FAM131C: variants seen among roughly 807,000 people sequenced by gnomAD.
The protein encoded by FAM131C is family with sequence similarity 131 member C.
A neutral mutation model predicts 29.8 loss-of-function variants in FAM131C; 14 were observed. The observed-to-expected ratio is 0.47, with a 90% CI of 0.31 to 0.73. The LOEUF (loss-of-function observed/expected upper bound fraction) is 0.73. Ranked by LOEUF, FAM131C falls within the 30% of genes least tolerant of loss-of-function variation. FAM131C has a pLI of 0.05. For missense variants in FAM131C, 252 were observed against 383.8 expected, an observed-to-expected ratio of 0.66 and a Z score of 2.87; for synonymous variants, 86 against 157.8, an observed-to-expected ratio of 0.54 and a Z score of 3.41.
chr1:16,062,340 C>T, intron 3 of FAM131C, 148 bp from the exon 4 acceptor site: 2 of 1,427,986 alleles, frequency 1.4e-6, no homozygotes, highest in South Asian at 2.9e-5. Flanking sequence ...GGAGATCCTA[C>T]TAACTCCCAC....
At chr1:16,058,983 C>A (rs1453544771) in intron 6 of FAM131C, among the ~76,000 whole-genome samples, 13 of 152,142 alleles carry the variant, frequency 8.5e-5, no homozygotes, top group Admixed American at 8.5e-4. Flanking sequence ...GGGCCTCTGT[C>A]CCCTCCCCGT....
chr1:16,059,438 A>G (rs1343879113), intron 6 of FAM131C, 56 bp downstream of exon 6: 2 of 1,582,436 alleles, frequency 1.3e-6, no homozygotes, highest in Non-Finnish European at 1.7e-6. Context: ...ATGGGCAGCC[A>G]TCCAGAATCA....
rs138505952 is a variant in FAM131C at position 16,073,509 on chromosome 1, C to A, written c.-67G>T. The stretch of plus-strand genomic sequence containing the variant: ...GGGCCGCGGGGCGTTCATGTCTCCG[C>A]GGGCCCGGGGCTGAGCGCTGCGGAG... On this transcript the variant is annotated 5_prime_UTR_variant, in exon 1 of 7. Transcript: ENST00000375662. 21,725 of 1,029,668 alleles carry A rather than the reference C, an allele frequency of 0.021. 757 individuals carry two copies. Among genetic ancestry groups the A allele is most frequent in the African/African-American group, 0.12 (7,342 of 59,698 alleles). 63.8% of individuals were successfully genotyped at this position (1,029,668 alleles called of 1,614,324 possible). A position where few individuals can be genotyped will look rare whatever the true frequency, so the allele number is the denominator to read the frequency against.
chr1:16,070,012 G>A (rs915093901), intron 1 of FAM131C, among the ~76,000 whole-genome samples: 2 of 152,120 alleles, frequency 1.3e-5, no homozygotes, highest in African/African-American at 2.4e-5. Context: ...CGATCCTCCC[G>A]CCTCAGCCTC....
chr1:16,068,666 T>C (rs2023712603), intron 1 of FAM131C, among the ~76,000 whole-genome samples: 1 of 152,162 alleles, frequency 6.6e-6, no homozygotes, highest in Non-Finnish European at 1.5e-5. Context: ...CAATAGCTCA[T>C]CTGTGGGTTG....
At position 16,073,597 on chromosome 1, in the gene FAM131C, T is replaced by C. The variant is rs180679177; in HGVS notation, c.-155A>G. 5.8e-3 allele frequency: 1,457 copies of C among 251,688 alleles called. 86 individuals are homozygous for C. In the East Asian group the frequency reaches 0.11, roughly 20 times the overall value. 15.6% of individuals were successfully genotyped at this position (251,688 alleles called of 1,614,324 possible). A position where few individuals can be genotyped will look rare whatever the true frequency, so the allele number is the denominator to read the frequency against. On this transcript the variant is annotated 5_prime_UTR_variant, in exon 1 of 7. Coordinates refer to ENST00000375662, the MANE Select transcript of FAM131C (RefSeq NM_182623.3). ...AGCTCGGCCTCAGCTCCAGCCTGGG[T>C]CGTCCCTGCTGCCGCCGCGCCCGGC...
At position 16,057,900 on chromosome 1, in the gene FAM131C, G is replaced by GGACA. The variant is rs1486035886; in HGVS notation, c.*533_*536dup. ...GGAGGAAGCAGGTTCAGAGAGGGAGGGACAGACAGACAGACACTCCAGAGA... is the reference window on the plus strand; with the variant it reads ...GGAGGAAGCAGGTTCAGAGAGGGAGGGACAGACAGACAGACAGACACTCCAGAGA... On this transcript the variant is annotated 3_prime_UTR_variant, in exon 7 of 7. Transcript: ENST00000375662. The GGACA allele has an allele frequency of 6.3e-6, 1 of 158,224 alleles. No individual in the cohort carries two copies. The highest frequency in any genetic ancestry group is 2.4e-5 in the African/African-American group (1 of 41,544). The allele number at this position is 158,224 out of a possible 1,614,324, so 9.8% of individuals were successfully genotyped here.
At chr1:16,069,397 GC>G (rs1475216491) in intron 1 of FAM131C, among the ~76,000 whole-genome samples, 2 of 152,158 alleles carry the variant, frequency 1.3e-5, no homozygotes, top group Non-Finnish European at 2.9e-5. Context: ...GCTCTGGTCG[GC>G]CCCCTTAGAG....
Position 16,069,334 on chromosome 1 carries a change from C to T in FAM131C, c.22+4087G>A, listed in dbSNP as rs183168493. ...CTCCCGAAGGGCAAGGTCCCACCTA[C>T]CCTTTCCTCAGTGCCTGGTGTAGGA... On this transcript the variant is annotated intron_variant, in intron 1 of 6. Coordinates refer to ENST00000375662, the MANE Select transcript of FAM131C (RefSeq NM_182623.3). Among the ~76,000 whole-genome samples the T allele has an allele frequency of 2.0e-5, 3 of 152,350 alleles. No homozygotes were observed. The East Asian group carries it at 5.8e-4, about 29-fold the overall frequency.
At position 16,059,777 on chromosome 1, in the gene FAM131C, T is replaced by G; in HGVS notation, c.451+92A>C. On this transcript the variant is annotated intron_variant, in intron 5 of 6. Transcript: ENST00000375662. ...TCACCCACCCTATGCCATTATTTTTTCCTGCCCAGACAATGCCCATGCAGT... is the reference window on the plus strand; with the variant it reads ...TCACCCACCCTATGCCATTATTTTTGCCTGCCCAGACAATGCCCATGCAGT... The G allele has an allele frequency of 2.3e-6, 3 of 1,285,894 alleles. No individual in the cohort carries two copies. The South Asian group carries it at 4.2e-5, about 18-fold the overall frequency. 79.7% of individuals were successfully genotyped at this position (1,285,894 alleles called of 1,614,324 possible).
chr1:16,066,656 C>T (rs961476909), intron 1 of FAM131C, among the ~76,000 whole-genome samples: 2 of 152,214 alleles, frequency 1.3e-5, no homozygotes, highest in African/African-American at 4.8e-5. Context: ...TCAGAGCCCA[C>T]TGCAAGTCAG....
intron 6 of FAM131C, 122 bp from the exon 7 acceptor site, chr1:16,058,839 G>A (rs376762745): frequency 1.3e-5 from 15 of 1,154,326 alleles, no homozygotes; most frequent in East Asian, 5.1e-5. Context: ...TGTGACGGCC[G>A]AGCCTTGTGA....
Position 16,063,587 on chromosome 1 carries a change from G to C in FAM131C, c.72C>G (p.Asp24Glu). Residue 24 changes from aspartate (D) to glutamate (E), a missense_variant, in exon 2 of 7, where the codon GAC becomes GAG. Transcript: ENST00000375662. ...HKNCPMPQGA[D>E]PLNPDLPSGR... ...CCGAGGGCAGATCTGGGTTCAAGGG[G>C]TCCGCACCCTGGGGCATGGGGCAGT... 6.2e-7 allele frequency: 1 copy of C among 1,613,820 alleles called. No homozygotes were observed. The highest frequency in any genetic ancestry group is 8.5e-7 in the Non-Finnish European group (1 of 1,179,844).
chr1:16,069,498 C>T (rs759891667), intron 1 of FAM131C, among the ~76,000 whole-genome samples: 2 of 152,186 alleles, frequency 1.3e-5, no homozygotes, highest in African/African-American at 2.4e-5. Flanking sequence ...CCGACCCCAC[C>T]GGCCCCCAGT....
At chr1:16,064,752 TCTA>T (rs1199073155) in intron 1 of FAM131C, among the ~76,000 whole-genome samples, 5 of 152,260 alleles carry the variant, frequency 3.3e-5, no homozygotes, top group African/African-American at 1.2e-4. Context: ...GTGTCCCACA[TCTA>T]CTTCCTCGTC....
intron 1 of FAM131C, among the ~76,000 whole-genome samples, chr1:16,071,072 C>T (rs1368322998): frequency 1.3e-5 from 2 of 152,254 alleles, no homozygotes; most frequent in African/African-American, 4.8e-5. Flanking sequence ...CAAGGGTGGA[C>T]GCACTCCCTC....
At chr1:16,073,350 T>G in intron 1 of FAM131C, 71 bp downstream of exon 1, 1 of 900,254 alleles carries the variant, frequency 1.1e-6, no homozygotes, top group Non-Finnish European at 1.4e-6. Flanking sequence ...ATCCCCCAGG[T>G]CTCCGAGCGG....
chr1:16,063,590 C>T lies in FAM131C; in HGVS notation c.69G>A (p.Ala23=), dbSNP rs777003037. The T allele has an allele frequency of 1.5e-5, 24 of 1,613,504 alleles. No homozygotes were observed. In the African/African-American group the frequency reaches 1.7e-4, roughly 12 times the overall value. Residue 23 remains alanine, a synonymous_variant, in exon 2 of 7, where the codon GCG becomes GCA. Coordinates refer to ENST00000375662, the MANE Select transcript of FAM131C (RefSeq NM_182623.3). The part of the protein sequence containing the change: ...AHKNCPMPQG[A]DPLNPDLPSG... ...AGGGCAGATCTGGGTTCAAGGGGTC[C>T]GCACCCTGGGGCATGGGGCAGTTCT...
intron 1 of FAM131C, among the ~76,000 whole-genome samples, chr1:16,069,060 C>T (rs761708434): frequency 1.2e-4 from 19 of 152,160 alleles, no homozygotes; most frequent in Non-Finnish European, 2.6e-4. Context: ...ATGTTATGCC[C>T]ATTTTACAGA....
Sources: allele counts gnomAD v4.1 joint callset (sites outside exome capture counted in the v4.1 genomes callset), GRCh38; gene constraint gnomAD v4.1.1; transcripts MANE v1.5; gene names NCBI Gene and HGNC (gene_info 2026-07-23, HGNC 2026-07-21).